Variants in PGAP1 observed in about 807,000 individuals in gnomAD.
The protein encoded by PGAP1 is GPI inositol-deacylase.
Under a neutral mutation model 127.0 loss-of-function variants are expected in PGAP1, and 76 were observed. The ratio of observed to expected loss-of-function variants is 0.60; its 90% confidence interval spans 0.50 to 0.72. The LOEUF (loss-of-function observed/expected upper bound fraction) is 0.72. Ranked by LOEUF, PGAP1 falls within the 30% of genes least tolerant of loss-of-function variation. PGAP1 has a pLI of 0.00. For missense variants in PGAP1, 982 were observed against 1,071.3 expected, an observed-to-expected ratio of 0.92 and a Z score of 1.16; for synonymous variants, 362 against 366.5, an observed-to-expected ratio of 0.99 and a Z score of 0.14.
intron 1 of PGAP1, among the ~76,000 whole-genome samples, chr2:196,920,599 T>C (rs1383100744): frequency 6.6e-6 from 1 of 152,174 alleles, no homozygotes; most frequent in Non-Finnish European, 1.5e-5. Context: ...CCCAACTATC[T>C]ATTTCAGTTG....
At chr2:196,885,391 A>G (rs1024866777) in intron 12 of PGAP1, 33 bp downstream of exon 12, 1 of 1,494,242 alleles carries the variant, frequency 6.7e-7, no homozygotes, top group African/African-American at 1.4e-5. Context: ...ATTTTTTTCA[A>G]CTGAATATTA....
At chr2:196,842,928 T>C (rs569496161) in intron 25 of PGAP1, 103 bp from the exon 26 acceptor site, 92 of 496,718 alleles carry the variant, frequency 1.9e-4, no homozygotes, top group African/African-American at 1.7e-3. Flanking sequence ...CCAGTAGCAA[T>C]ATGGATATAA....
In PGAP1 at chr2:196,834,897, C is replaced by G. The variant is rs1700197525; in HGVS notation, c.*6337G>C. 1 of 152,002 alleles carries G rather than the reference C, an allele frequency of 6.6e-6. No homozygotes were observed. Among genetic ancestry groups the G allele is most frequent in the East Asian group, 1.9e-4 (1 of 5,178 alleles). The allele number at this position is 152,002 out of a possible 1,614,324, so 9.4% of individuals were successfully genotyped here. On this transcript the variant is annotated 3_prime_UTR_variant, in exon 27 of 27. Coordinates refer to ENST00000354764, the MANE Select transcript of PGAP1 (RefSeq NM_024989.4). The stretch of plus-strand genomic sequence containing the variant: ...CTTTTTACTAATAACACCTATGGTC[C>G]CCATTAGAATAAACTGTCACTAAAT...
intron 20 of PGAP1, among the ~76,000 whole-genome samples, chr2:196,857,827 C>A (rs1700934408): frequency 6.6e-6 from 1 of 152,282 alleles, no homozygotes; most frequent in East Asian, 1.9e-4. Flanking sequence ...CTGGCATCGC[C>A]CTTGTTATTC....
intron 4 of PGAP1, among the ~76,000 whole-genome samples, chr2:196,905,660 G>C (rs545026721): frequency 7.9e-5 from 12 of 151,724 alleles, no homozygotes; most frequent in East Asian, 3.9e-4. Context: ...CGCAGAAGAC[G>C]GGTGATTTCT....
At position 196,856,408 on chromosome 2, in the gene PGAP1, T is replaced by A. The variant is rs147012490; in HGVS notation, c.1862-8371A>T. On this transcript the variant is annotated intron_variant, in intron 20 of 26. Coordinates refer to ENST00000354764, the MANE Select transcript of PGAP1 (RefSeq NM_024989.4). ...ATAAAAGCTATAATACACCTGTTAT[T>A]AGAATGTAGCTCTGTTCATTGTTTT... Among the ~76,000 whole-genome samples the A allele has an allele frequency of 2.6e-5, 4 of 152,348 alleles. No individual in the cohort carries two copies. The East Asian group carries it at 5.8e-4, about 22-fold the overall frequency.
At chr2:196,853,961 G>A (rs1280808578) in intron 20 of PGAP1, among the ~76,000 whole-genome samples, 1 of 146,122 alleles carries the variant, frequency 6.8e-6, no homozygotes, top group Admixed American at 6.9e-5. Flanking sequence ...TACAATCATG[G>A]TCCACTGTAG....
At chr2:196,870,880 T>C in intron 19 of PGAP1, 61 bp downstream of exon 19, 1 of 1,431,762 alleles carries the variant, frequency 7.0e-7, no homozygotes, top group Non-Finnish European at 9.7e-7. Context: ...TCTACAACCC[T>C]TCCTTAGAGT....
chr2:196,902,274 G>A (rs958961807), intron 5 of PGAP1, among the ~76,000 whole-genome samples: 2 of 152,148 alleles, frequency 1.3e-5, no homozygotes, highest in African/African-American at 4.8e-5. Context: ...CTGGCCTCAA[G>A]CAGTCCTCCT....
chr2:196,882,384 A>G (rs1265900047), intron 12 of PGAP1, among the ~76,000 whole-genome samples: 1 of 152,192 alleles, frequency 6.6e-6, no homozygotes, highest in African/African-American at 2.4e-5. Flanking sequence ...TAGTTATGTG[A>G]AGAATGTCCA....
intron 20 of PGAP1, among the ~76,000 whole-genome samples, chr2:196,862,260 T>TTTC: frequency 6.6e-6 from 1 of 152,102 alleles, no homozygotes; most frequent in Non-Finnish European, 1.5e-5. Context: ...CTGTAGACTG[T>TTTC]AGGGGTGAAA....
At chr2:196,889,210 A>G (rs1225884484) in intron 10 of PGAP1, among the ~76,000 whole-genome samples, 1 of 152,168 alleles carries the variant, frequency 6.6e-6, no homozygotes, top group South Asian at 2.1e-4. Context: ...TTAAGTGAGA[A>G]AAGATACTTT....
At chr2:196,869,787 T>C (rs1008504655) in intron 19 of PGAP1, among the ~76,000 whole-genome samples, 1 of 152,270 alleles carries the variant, frequency 6.6e-6, no homozygotes, top group Non-Finnish European at 1.5e-5. Flanking sequence ...ATAATCTAGT[T>C]CTCACCAAGT....
At chr2:196,912,853 G>C in intron 4 of PGAP1, 29 bp downstream of exon 4, 1 of 1,528,472 alleles carries the variant, frequency 6.5e-7, no homozygotes, top group Non-Finnish European at 8.9e-7. Context: ...TAACAATGGG[G>C]AGGTTAATGT....
Position 196,836,173 on chromosome 2 carries a change from T to G in PGAP1, c.*5061A>C, listed in dbSNP as rs1023919946. ...GTACAGACAGATTCTGACTCATATATCAAGTCCTATACAAAGTCTTCAGAA... is the reference window on the plus strand; with the variant it reads ...GTACAGACAGATTCTGACTCATATAGCAAGTCCTATACAAAGTCTTCAGAA... On this transcript the variant is annotated 3_prime_UTR_variant, in exon 27 of 27. Transcript: ENST00000354764. 6.6e-6 allele frequency: 1 copy of G among 152,528 alleles called. No homozygotes were observed. Among genetic ancestry groups the G allele is most frequent in the Non-Finnish European group, 1.5e-5 (1 of 67,942 alleles). The allele number at this position is 152,528 out of a possible 1,614,324, so 9.4% of individuals were successfully genotyped here. A position where few individuals can be genotyped will look rare whatever the true frequency, so the allele number is the denominator to read the frequency against.
intron 22 of PGAP1, 67 bp downstream of exon 22, chr2:196,846,936 G>C (rs965116251): frequency 6.2e-6 from 8 of 1,285,334 alleles, no homozygotes; most frequent in Admixed American, 2.5e-5. Context: ...ATTAATTTCA[G>C]GTTCCTTATC....
chr2:196,911,958 A>T (rs1289655576), intron 4 of PGAP1, among the ~76,000 whole-genome samples: 4 of 152,188 alleles, frequency 2.6e-5, no homozygotes, highest in Non-Finnish European at 4.4e-5. Context: ...GGTTAAGAGC[A>T]CAAGCCCAGA....
chr2:196,833,315 G>C lies in PGAP1; in HGVS notation c.*7919C>G, dbSNP rs1700145456. ...ATACTATACATTGTACAAAGTACTG[G>C]AGATCATGCATGTTTAAATGGAAAG... On this transcript the variant is annotated 3_prime_UTR_variant, in exon 27 of 27. Transcript: ENST00000354764. 5 of 152,198 alleles carry C rather than the reference G, an allele frequency of 3.3e-5. No homozygotes were observed. The highest frequency in any genetic ancestry group is 3.4e-3 in the Middle Eastern group (1 of 294). 9.4% of individuals were successfully genotyped at this position (152,198 alleles called of 1,614,324 possible).
intron 5 of PGAP1, among the ~76,000 whole-genome samples, chr2:196,898,717 G>A (rs1048265246): frequency 6.6e-6 from 1 of 152,108 alleles, no homozygotes; most frequent in Admixed American, 6.5e-5. Context: ...ATAAATCACA[G>A]TTAATGTATA....
Sources: gnomAD v4.1 joint callset for allele counts (sites outside exome capture counted in the v4.1 genomes callset) on GRCh38, gnomAD v4.1.1 for gene constraint, MANE v1.5 for transcripts, NCBI Gene and HGNC (gene_info 2026-07-23, HGNC 2026-07-21) for gene names.